Variants in ARHGAP24 observed in about 807,000 individuals in gnomAD.
The protein encoded by ARHGAP24 is rho GTPase-activating protein 24.
Under a neutral mutation model 76.4 loss-of-function variants are expected in ARHGAP24, and 50 were observed. That is an observed-to-expected ratio of 0.65 (90% confidence interval 0.52 to 0.83). The LOEUF (loss-of-function observed/expected upper bound fraction) is 0.83. ARHGAP24 is among the 40% of genes least tolerant of loss of function. The pLI, the probability that ARHGAP24 is intolerant of heterozygous loss-of-function variation, is 0.00. For synonymous variants in ARHGAP24, 345 were observed against 323.3 expected (o/e 1.07, Z -0.72); for missense variants, 930 against 914.2 (o/e 1.02, Z -0.22).
intron 3 of ARHGAP24, among the ~76,000 whole-genome samples, chr4:85,752,079 C>CAAGCATTA (rs1726285320): frequency 6.6e-6 from 1 of 152,114 alleles, no homozygotes; most frequent in Admixed American, 6.5e-5. Flanking sequence ...CATAGCCATA[C>CAAGCATTA]AAGCATTAAC....
intron 3 of ARHGAP24, among the ~76,000 whole-genome samples, chr4:85,890,640 G>A (rs1043480160): frequency 2.6e-5 from 4 of 152,104 alleles, no homozygotes; most frequent in East Asian, 1.9e-4. Flanking sequence ...GTAAAATCAC[G>A]TTCAGGTAGT....
intron 3 of ARHGAP24, among the ~76,000 whole-genome samples, chr4:85,748,369 A>G (rs993733224): frequency 2.6e-5 from 4 of 152,238 alleles, no homozygotes; most frequent in Non-Finnish European, 5.9e-5. Context: ...AAATATTCTG[A>G]TAGGCCAGAA....
intron 3 of ARHGAP24, among the ~76,000 whole-genome samples, chr4:85,831,988 A>C (rs1159566441): frequency 6.6e-6 from 1 of 152,068 alleles, no homozygotes; most frequent in African/African-American, 2.4e-5. Context: ...ATTATTTTTC[A>C]GGAATTGTGG....
chr4:85,772,880 T>C (rs2110079653), intron 3 of ARHGAP24, among the ~76,000 whole-genome samples: 1 of 152,242 alleles, frequency 6.6e-6, no homozygotes, highest in African/African-American at 2.4e-5. Context: ...GTTTTGAAAA[T>C]GTCCAAAATG....
chr4:85,950,969 C>T (rs953232571), intron 5 of ARHGAP24, among the ~76,000 whole-genome samples: 3 of 152,138 alleles, frequency 2.0e-5, no homozygotes, highest in South Asian at 2.1e-4. Flanking sequence ...TGTGCACCAC[C>T]ACACCTGGCC....
chr4:85,752,799 A>G (rs533746071), intron 3 of ARHGAP24, among the ~76,000 whole-genome samples: 16 of 152,352 alleles, frequency 1.1e-4, no homozygotes, highest in Non-Finnish European at 2.2e-4. Context: ...GAGAAGACAG[A>G]TGTAACGTGC....
At chr4:85,972,464 G>A (rs1271803517) in intron 6 of ARHGAP24, 1 of 393,574 alleles carries the variant, frequency 2.5e-6, no homozygotes, top group Non-Finnish European at 4.7e-6. Flanking sequence ...CAAAAGAAGT[G>A]ACTGCTGTGT....
At chr4:85,621,865 C>T (rs1720728882) in intron 2 of ARHGAP24, among the ~76,000 whole-genome samples, 1 of 151,956 alleles carries the variant, frequency 6.6e-6, no homozygotes, top group African/African-American at 2.4e-5. Flanking sequence ...ATAGTTTTTC[C>T]TACGAATTCT....
In ARHGAP24 at chr4:85,844,417, T is replaced by C. The variant is rs1730759622; in HGVS notation, c.269-79231T>C. Reference sequence around the variant, plus strand: ...AAACTTTCCCCCTAAACAAAAGTGTTAATTTAGGCCACTTTGTGATGATGT... The same window carrying C: ...AAACTTTCCCCCTAAACAAAAGTGTCAATTTAGGCCACTTTGTGATGATGT... On this transcript the variant is annotated intron_variant, in intron 3 of 9. Transcript: ENST00000395184. Among the ~76,000 whole-genome samples, 3 of 152,236 alleles carry C rather than the reference T, an allele frequency of 2.0e-5. No individual in the cohort carries two copies. In the South Asian group the frequency reaches 6.2e-4, roughly 31 times the overall value.
At chr4:85,586,272 A>C (rs1443513837) in intron 2 of ARHGAP24, among the ~76,000 whole-genome samples, 2 of 151,944 alleles carry the variant, frequency 1.3e-5, no homozygotes, top group African/African-American at 2.4e-5. Flanking sequence ...ATTCAAGACC[A>C]CATACACTTA....
chr4:85,727,758 C>A (rs889505225), intron 3 of ARHGAP24, among the ~76,000 whole-genome samples: 14 of 152,104 alleles, frequency 9.2e-5, no homozygotes, highest in Admixed American at 9.2e-4. Flanking sequence ...ATCCACCAAG[C>A]AAAGATTCTT....
chr4:85,917,928 G>A (rs532391149), intron 3 of ARHGAP24, among the ~76,000 whole-genome samples: 11 of 152,110 alleles, frequency 7.2e-5, no homozygotes, highest in African/African-American at 2.2e-4. Context: ...TTTAATGCAC[G>A]TAATAGTAGC....
At chr4:85,671,850 G>T (rs969329118) in intron 2 of ARHGAP24, among the ~76,000 whole-genome samples, 1 of 152,134 alleles carries the variant, frequency 6.6e-6, no homozygotes, top group African/African-American at 2.4e-5. Flanking sequence ...TTGGACACAT[G>T]CAGAACTATT....
intron 5 of ARHGAP24, among the ~76,000 whole-genome samples, chr4:85,966,600 G>C (rs1042663565): frequency 6.6e-6 from 1 of 152,150 alleles, no homozygotes; most frequent in Non-Finnish European, 1.5e-5. Context: ...TTAGTCTGGA[G>C]CTGCTTAGTG....
chr4:85,525,483 A>C (rs117067668), intron 1 of ARHGAP24, among the ~76,000 whole-genome samples: 1,558 of 152,076 alleles, frequency 0.01, 13 homozygotes, highest in East Asian at 0.018. Flanking sequence ...GATGAGTTTT[A>C]TAAAAAAAAA....
intron 1 of ARHGAP24, among the ~76,000 whole-genome samples, chr4:85,504,372 C>G (rs1360695912): frequency 6.6e-6 from 1 of 152,092 alleles, no homozygotes. Flanking sequence ...GTAGGTCACT[C>G]AGGACTTGCT....
chr4:85,705,892 G>T (rs1177229769), intron 2 of ARHGAP24, among the ~76,000 whole-genome samples: 1 of 151,710 alleles, frequency 6.6e-6, no homozygotes, highest in Non-Finnish European at 1.5e-5. Context: ...AGTCATGAGG[G>T]GTCTGGAGGT....
Position 85,994,893 on chromosome 4 carries a change from T to C in ARHGAP24, c.1239T>C (p.Ser413=), listed in dbSNP as rs955732830. The C allele has an allele frequency of 3.1e-6, 5 of 1,614,090 alleles. No individual in the cohort carries two copies. The highest frequency in any genetic ancestry group is 4.2e-6 in the Non-Finnish European group (5 of 1,180,020). ...ACAGTGTTCACAAGCTAGATGTGTC[T>C]AGAAGCCCCCCTCTCATGGTCAAAA... The part of the protein sequence containing the change: ...PKNSVHKLDV[S]RSPPLMVKKN... The change falls in exon 9 of 10, where the codon TCT becomes TCC. Residue 413 remains serine (S), a synonymous_variant. Transcript: ENST00000395184.
intron 3 of ARHGAP24, among the ~76,000 whole-genome samples, chr4:85,784,519 G>A (rs1727716042): frequency 2.0e-5 from 3 of 151,944 alleles, no homozygotes; most frequent in South Asian, 4.2e-4. Context: ...TCCTCCAGAT[G>A]CACAATGCTC....
Sources: gnomAD v4.1 joint callset for allele counts (sites outside exome capture counted in the v4.1 genomes callset) on GRCh38, gnomAD v4.1.1 for gene constraint, MANE v1.5 for transcripts, NCBI Gene and HGNC (gene_info 2026-07-23, HGNC 2026-07-21) for gene names.